The following MEF2A variants were observed in gnomAD, a reference collection of about 807,000 sequenced individuals.
The protein encoded by MEF2A is myocyte-specific enhancer factor 2A.
In MEF2A, 28 loss-of-function variants were observed where a neutral mutation model predicts 55.8. The ratio of observed to expected loss-of-function variants is 0.50; its 90% CI spans 0.37 to 0.69. MEF2A has a LOEUF of 0.69. Among genes scored for constraint, MEF2A ranks in the 30% least tolerant of loss-of-function variants. The pLI, the probability that MEF2A is intolerant of heterozygous loss-of-function variation, is 0.00. For synonymous variants in MEF2A, 239 were observed against 227.1 expected (o/e 1.05, Z -0.47); for missense variants, 528 against 626.2 (o/e 0.84, Z 1.67).
At chr15:99,615,060 A>G (rs2039971133) in intron 2 of MEF2A, among the ~76,000 whole-genome samples, 1 of 152,212 alleles carries the variant, frequency 6.6e-6, no homozygotes, top group African/African-American at 2.4e-5. Flanking sequence ...GAGGGAAATA[A>G]AAGTGCCTGC....
intron 3 of MEF2A, among the ~76,000 whole-genome samples, chr15:99,643,178 T>C (rs949043196): frequency 6.6e-6 from 1 of 152,214 alleles, no homozygotes; most frequent in African/African-American, 2.4e-5. Flanking sequence ...ACCTCTTTCA[T>C]GTCAAATTTA....
intron 1 of MEF2A, among the ~76,000 whole-genome samples, chr15:99,576,109 A>G (rs1288919716): frequency 6.6e-6 from 1 of 152,224 alleles, no homozygotes; most frequent in East Asian, 1.9e-4. Context: ...AAGAGTATTT[A>G]GAAACCAGAA....
intron 2 of MEF2A, among the ~76,000 whole-genome samples, chr15:99,620,631 T>A (rs2040989843): frequency 6.6e-6 from 1 of 152,208 alleles, no homozygotes; most frequent in South Asian, 2.1e-4. Flanking sequence ...CTATCATGAC[T>A]AGTGTTATGA....
intron 2 of MEF2A, among the ~76,000 whole-genome samples, chr15:99,626,475 C>G (rs2042071658): frequency 6.6e-6 from 1 of 151,754 alleles, no homozygotes; most frequent in South Asian, 2.1e-4. Flanking sequence ...TCATTTATCT[C>G]TGCTCTCAAA....
At chr15:99,618,411 G>T (rs1044055019) in intron 2 of MEF2A, among the ~76,000 whole-genome samples, 2 of 152,130 alleles carry the variant, frequency 1.3e-5, no homozygotes, top group East Asian at 1.9e-4. Context: ...AATTGATCCT[G>T]TTACTGAAGA....
intron 1 of MEF2A, among the ~76,000 whole-genome samples, chr15:99,592,620 C>T (rs143049619): frequency 6.6e-6 from 1 of 152,176 alleles, no homozygotes; most frequent in African/African-American, 2.4e-5. Context: ...ATGAGTGTGT[C>T]AGGAATGTTA....
In MEF2A at chr15:99,712,365, G is replaced by C; in HGVS notation, c.1137-25G>C. ...TTGCAGAGGTACTTGCAAGCCATCT[G>C]ACCTCTCTCTTTTTTTTCCTTCAGT... On this transcript the variant is annotated intron_variant, in intron 11 of 11. Transcript: ENST00000557942. The surrounding 1 kb of genome is among the most constrained non-coding windows in gnomAD (Gnocchi z 4.1). The C allele has an allele frequency of 2.0e-6, 3 of 1,505,056 alleles. No homozygotes were observed. The highest frequency in any genetic ancestry group is 2.7e-6 in the Non-Finnish European group (3 of 1,120,226). The allele number at this position is 1,505,056 out of a possible 1,614,324, so 93.2% of individuals were successfully genotyped here.
At chr15:99,675,856 T>C (rs2436842) in intron 7 of MEF2A, among the ~76,000 whole-genome samples, 152,108 of 152,246 alleles carry the variant, frequency 1, 75,986 homozygotes, top group Middle Eastern at 1. Flanking sequence ...TGGGCAACAC[T>C]GTGAAACCCT....
chr15:99,622,834 C>G (rs2041443170), intron 2 of MEF2A, among the ~76,000 whole-genome samples: 1 of 152,006 alleles, frequency 6.6e-6, no homozygotes, highest in South Asian at 2.1e-4. Flanking sequence ...TCCCTAGTAG[C>G]TGGGACTACA....
At chr15:99,695,570 T>TGTGTGTGTGTGTGTG (rs200260929) in intron 8 of MEF2A, among the ~76,000 whole-genome samples, 13 of 151,630 alleles carry the variant, frequency 8.6e-5, no homozygotes, top group Non-Finnish European at 1.2e-4. Flanking sequence ...TGTGTGTGTG[T>TGTGTGTGTGTGTGTG]TTCTTAAAAA....
intron 3 of MEF2A, among the ~76,000 whole-genome samples, chr15:99,641,308 A>G (rs1299018223): frequency 6.6e-6 from 1 of 152,142 alleles, no homozygotes; most frequent in African/African-American, 2.4e-5. Flanking sequence ...CCCAGGTTTC[A>G]TTCTGGAGGG....
chr15:99,628,217 A>G, intron 2 of MEF2A, among the ~76,000 whole-genome samples: 1 of 152,158 alleles, frequency 6.6e-6, no homozygotes. Context: ...ATGTATATGT[A>G]TCTAGTGTCT....
Position 99,614,092 on chromosome 15 carries a change from C to T in MEF2A, c.-143+15581C>T, listed in dbSNP as rs143696842. Among the ~76,000 whole-genome samples the T allele has an allele frequency of 2.1e-3, 320 of 152,226 alleles. 1 individual carries two copies. The highest frequency in any genetic ancestry group is 7.3e-3 in the African/African-American group (305 of 41,526). ...TGGGTGAGTACTGATTGTTTTTACT[C>T]GCAGTTGCTTCATTTAGAAAGTGGA... is the stretch of plus-strand genomic sequence containing the variant. On this transcript the variant is annotated intron_variant, in intron 2 of 11. Transcript: ENST00000557942.
chr15:99,623,268 A>G (rs746669943), intron 2 of MEF2A, among the ~76,000 whole-genome samples: 1 of 152,140 alleles, frequency 6.6e-6, no homozygotes, highest in Non-Finnish European at 1.5e-5. Flanking sequence ...ATAATATTCT[A>G]TTGTATGTAT....
intron 2 of MEF2A, among the ~76,000 whole-genome samples, chr15:99,630,176 G>C (rs955399240): frequency 6.6e-6 from 1 of 152,042 alleles, no homozygotes; most frequent in African/African-American, 2.4e-5. Context: ...TATGTCTTCA[G>C]ATATTTTTTT....
intron 1 of MEF2A, among the ~76,000 whole-genome samples, chr15:99,579,468 C>T (rs999176221): frequency 3.3e-5 from 5 of 152,244 alleles, no homozygotes; most frequent in East Asian, 1.9e-4. Context: ...GATCTCAGCT[C>T]AGTGCAACCT....
intron 3 of MEF2A, among the ~76,000 whole-genome samples, chr15:99,641,773 A>G (rs935452525): frequency 1.3e-5 from 2 of 152,178 alleles, no homozygotes; most frequent in African/African-American, 4.8e-5. Context: ...TCTCCAGGCT[A>G]CAAGCCTCCA....
At chr15:99,686,762 T>C (rs963153620) in intron 7 of MEF2A, among the ~76,000 whole-genome samples, 1 of 152,204 alleles carries the variant, frequency 6.6e-6, no homozygotes, top group African/African-American at 2.4e-5. Context: ...TTTCTAGATC[T>C]CTAGTGAGGC....
At chr15:99,589,539 T>C (rs967904427) in intron 1 of MEF2A, among the ~76,000 whole-genome samples, 7 of 152,142 alleles carry the variant, frequency 4.6e-5, no homozygotes, top group African/African-American at 1.7e-4. Context: ...CCTCTACTTT[T>C]AGTTTAATAT....
Sources: allele counts gnomAD v4.1 joint callset (sites outside exome capture counted in the v4.1 genomes callset), GRCh38; gene constraint gnomAD v4.1.1; non-coding constraint Gnocchi (gnomAD v3.1); transcripts MANE v1.5; gene names NCBI Gene and HGNC (gene_info 2026-07-23, HGNC 2026-07-21).